CNTNAP4: variants seen among roughly 807,000 people sequenced by gnomAD.
The protein encoded by CNTNAP4 is contactin associated protein family member 4.
A neutral mutation model predicts 148.4 loss-of-function variants in CNTNAP4; 98 were observed. That is an observed-to-expected ratio of 0.66 (90% CI 0.56 to 0.78). The LOEUF (loss-of-function observed/expected upper bound fraction) is 0.78, where lower values mean the gene tolerates loss of function less well. CNTNAP4 is among the 30% of genes least tolerant of loss of function. The pLI is 0.00. For missense variants in CNTNAP4, 1,935 were observed against 1,565.6 expected, an observed-to-expected ratio of 1.24 and a Z score of -3.98; for synonymous variants, 730 against 565.1, an observed-to-expected ratio of 1.29 and a Z score of -4.14.
intron 14 of CNTNAP4, among the ~76,000 whole-genome samples, chr16:76,497,662 G>A (rs576964326): frequency 5.9e-5 from 9 of 151,380 alleles, no homozygotes; most frequent in African/African-American, 2.2e-4. Context: ...ATAAGGACAT[G>A]GGGGGGAACA....
chr16:76,474,137 A>G (rs1055398060), intron 10 of CNTNAP4, among the ~76,000 whole-genome samples: 3 of 152,162 alleles, frequency 2.0e-5, no homozygotes, highest in Admixed American at 6.5e-5. Context: ...CAGTGAGATG[A>G]GGCCATCTGT....
intron 1 of CNTNAP4, among the ~76,000 whole-genome samples, chr16:76,305,718 G>A (rs1437087497): frequency 6.6e-6 from 1 of 152,030 alleles, no homozygotes; most frequent in African/African-American, 2.4e-5. Flanking sequence ...TAGATACAGG[G>A]GGTACATGTG....
intron 8 of CNTNAP4, among the ~76,000 whole-genome samples, chr16:76,461,381 G>A (rs1038838202): frequency 2.0e-5 from 3 of 152,142 alleles, no homozygotes; most frequent in African/African-American, 7.2e-5. Context: ...AGAGTTACAA[G>A]TAAGTTCTAA....
chr16:76,283,495 C>A (rs893163267), intron 1 of CNTNAP4, among the ~76,000 whole-genome samples: 2 of 151,970 alleles, frequency 1.3e-5, no homozygotes, highest in African/African-American at 4.8e-5. Context: ...AGAATGAGAT[C>A]ACATACTTTG....
intron 3 of CNTNAP4, among the ~76,000 whole-genome samples, chr16:76,394,300 T>C (rs2078124778): frequency 6.6e-6 from 1 of 152,150 alleles, no homozygotes; most frequent in Non-Finnish European, 1.5e-5. Flanking sequence ...GCTCTGTCCT[T>C]TACTTTGATT....
chr16:76,525,147 C>T (rs569382833), intron 17 of CNTNAP4, among the ~76,000 whole-genome samples: 2 of 152,020 alleles, frequency 1.3e-5, no homozygotes, highest in African/African-American at 4.8e-5. Flanking sequence ...TATCAATTTA[C>T]AACATTACTA....
In CNTNAP4 at chr16:76,424,142, G is replaced by A. The variant is rs6564334; in HGVS notation, c.391-3310G>A. The stretch of plus-strand genomic sequence containing the variant: ...TCAAAATTTAAATAGCTCATAAATT[G>A]ATCAAGTGAAAAGTGAAAGGCTGTC... On this transcript the variant is annotated intron_variant, in intron 3 of 23. Coordinates refer to ENST00000611870, the MANE Select transcript of CNTNAP4 (RefSeq NM_033401.5). Among the ~76,000 whole-genome samples the A allele has an allele frequency of 3.5e-4, 53 of 151,858 alleles. 1 individual carries two copies. Among genetic ancestry groups the A allele is most frequent in the African/African-American group, 1.2e-3 (49 of 41,342 alleles).
intron 2 of CNTNAP4, among the ~76,000 whole-genome samples, chr16:76,318,519 C>G (rs1241119395): frequency 6.6e-5 from 10 of 151,678 alleles, no homozygotes; most frequent in Admixed American, 2.0e-4. Context: ...TTTTAATTAT[C>G]TTTTGCTGGT....
intron 17 of CNTNAP4, among the ~76,000 whole-genome samples, chr16:76,528,531 C>G (rs1286221864): frequency 6.6e-6 from 1 of 152,192 alleles, no homozygotes; most frequent in Non-Finnish European, 1.5e-5. Flanking sequence ...TCCCAAAATG[C>G]TGGGATTACA....
chr16:76,553,923 A>T lies in CNTNAP4; in HGVS notation c.3733+16A>T. 1 of 1,493,106 alleles carries T rather than the reference A, an allele frequency of 6.7e-7. No homozygotes were observed. The highest frequency in any genetic ancestry group is 2.3e-5 in the East Asian group (1 of 44,232). The allele number at this position is 1,493,106 out of a possible 1,614,324, so 92.5% of individuals were successfully genotyped here. Reference sequence around the variant, plus strand: ...GTAATTGGAGGTAATAAGAAGCATGAATGAGCTCTTCTTTGGTTGTTCTTA... The same window carrying T: ...GTAATTGGAGGTAATAAGAAGCATGTATGAGCTCTTCTTTGGTTGTTCTTA... On this transcript the variant is annotated intron_variant, in intron 23 of 23. Coordinates refer to ENST00000611870, the MANE Select transcript of CNTNAP4 (RefSeq NM_033401.5).
intron 17 of CNTNAP4, among the ~76,000 whole-genome samples, chr16:76,531,827 C>T (rs1052708735): frequency 2.6e-5 from 4 of 152,116 alleles, no homozygotes; most frequent in Admixed American, 1.3e-4. Context: ...TCTAATTAGA[C>T]ATTATGTTTT....
intron 4 of CNTNAP4, among the ~76,000 whole-genome samples, chr16:76,428,079 A>G (rs2079475519): frequency 6.6e-6 from 1 of 152,200 alleles, no homozygotes; most frequent in South Asian, 2.1e-4. Context: ...GTCAGTATAA[A>G]TTAATAGAAA....
In CNTNAP4 at chr16:76,552,582, T is replaced by G. The variant is rs147356861; in HGVS notation, c.3443-701T>G. Among the ~76,000 whole-genome samples the G allele has an allele frequency of 3.9e-4, 59 of 152,352 alleles. No homozygotes were observed. The East Asian group carries it at 0.011, about 28-fold the overall frequency. ...ATTCTTATTAATAGGAGGAAGAGAT[T>G]ATCTGTCTTTAGAGGGCACAGATAT... On this transcript the variant is annotated intron_variant, in intron 21 of 23. Transcript: ENST00000611870.
chr16:76,329,453 G>A lies in CNTNAP4; in HGVS notation c.196+12930G>A, dbSNP rs571691230. On this transcript the variant is annotated intron_variant, in intron 2 of 23. Transcript: ENST00000611870. Reference sequence around the variant, plus strand: ...TTTATAATTTAAAATCTGTTCCCGTGCACTATCTCCTTTGATTTTTAACTG... The same window carrying A: ...TTTATAATTTAAAATCTGTTCCCGTACACTATCTCCTTTGATTTTTAACTG... 4.3e-4 allele frequency among the ~76,000 whole-genome samples: 65 copies of A among 152,214 alleles called. 1 individual carries two copies. The South Asian group carries it at 0.012, about 27-fold the overall frequency.
At chr16:76,424,826 C>CA (rs1254704361) in intron 3 of CNTNAP4, among the ~76,000 whole-genome samples, 9 of 151,968 alleles carry the variant, frequency 5.9e-5, no homozygotes, top group Non-Finnish European at 1.3e-4. Flanking sequence ...AAAGAGAGAA[C>CA]AAAATCAATG....
At chr16:76,475,559 T>C (rs1035731880) in intron 10 of CNTNAP4, among the ~76,000 whole-genome samples, 4 of 152,148 alleles carry the variant, frequency 2.6e-5, no homozygotes, top group Admixed American at 6.5e-5. Context: ...TTTTCTTTTC[T>C]TCTTTTATCT....
rs1280949667 is a variant in CNTNAP4, at chr16:76,452,634, A to G, written c.1198A>G (p.Thr400Ala). The change falls in exon 8 of 24, where the codon ACT (threonine) becomes GCT (alanine). Residue 400 changes from threonine (T) to alanine (A), a missense_variant. By Grantham distance (58) the Thr-to-Ala change is moderately conservative (BLOSUM62 0). Coordinates refer to ENST00000611870, the MANE Select transcript of CNTNAP4 (RefSeq NM_033401.5). ...EEVSATFQFR[T>A]WNKAGLLLFS... is the part of the protein sequence containing the mutation. ...GGTTTCTGCCACTTTTCAATTTCGA[A>G]CTTGGAATAAGGCAGGGCTTCTGCT... The G allele has an allele frequency of 1.2e-6, 2 of 1,613,892 alleles. No individual in the cohort carries two copies. The highest frequency in any genetic ancestry group is 1.7e-6 in the Non-Finnish European group (2 of 1,179,854).
At chr16:76,352,354 A>G (rs1376525285) in intron 2 of CNTNAP4, among the ~76,000 whole-genome samples, 14 of 152,194 alleles carry the variant, frequency 9.2e-5, no homozygotes, top group Admixed American at 9.2e-4. Context: ...GACACGGTCC[A>G]TTGTAAACTA....
intron 3 of CNTNAP4, among the ~76,000 whole-genome samples, chr16:76,403,456 C>T (rs2078491488): frequency 6.6e-6 from 1 of 152,122 alleles, no homozygotes; most frequent in Non-Finnish European, 1.5e-5. Flanking sequence ...ATCCCAATAT[C>T]ACTGATCATT....
Sources: allele counts gnomAD v4.1 joint callset (sites outside exome capture counted in the v4.1 genomes callset), GRCh38; gene constraint gnomAD v4.1.1; transcripts MANE v1.5; gene names NCBI Gene and HGNC (gene_info 2026-07-23, HGNC 2026-07-21).